Variants in ESRRG observed in about 807,000 individuals in gnomAD.
The protein encoded by ESRRG is estrogen related receptor gamma, also known as estrogen-related receptor gamma.
ESRRG carries 13 observed loss-of-function variants against 44.0 expected under a neutral mutation model. The observed-to-expected ratio is 0.30, with a 90% CI of 0.19 to 0.47. The LOEUF (loss-of-function observed/expected upper bound fraction) is 0.47. Ranked by LOEUF, ESRRG falls within the 20% of genes least tolerant of loss-of-function variation. The pLI is 1.00. For synonymous variants in ESRRG, 215 were observed against 214.6 expected, an observed-to-expected ratio of 1.00 and a Z score of -0.02; for missense variants, 395 against 580.6, an observed-to-expected ratio of 0.68 and a Z score of 3.29.
rs377119950 is a variant in ESRRG at position 217,098,567 on chromosome 1, C to T, written c.-230+39100G>A. 4.6e-5 allele frequency among the ~76,000 whole-genome samples: 7 copies of T among 152,074 alleles called. No homozygotes were observed. In the East Asian group the frequency reaches 1.2e-3, roughly 25 times the overall value. On this transcript the variant is annotated intron_variant, in intron 1 of 8. Coordinates refer to the ESRRG transcript ENST00000366940. The stretch of plus-strand genomic sequence containing the variant: ...GATGATGGGCAAGTAGGAGTGTATC[C>T]ACATTTGAAGGTTGCTACAGAGAAA...
chr1:216,777,047 C>T (rs1469686785), intron 2 of ESRRG, among the ~76,000 whole-genome samples: 1 of 152,122 alleles, frequency 6.6e-6, no homozygotes, highest in Non-Finnish European at 1.5e-5. Flanking sequence ...TGGATTTATC[C>T]TACTCTCTTC....
At chr1:216,768,039 A>G (rs1193584465) in intron 2 of ESRRG, among the ~76,000 whole-genome samples, 3 of 152,140 alleles carry the variant, frequency 2.0e-5, no homozygotes, top group Non-Finnish European at 2.9e-5. Flanking sequence ...ATTATGTGCT[A>G]GGCATTGAAC....
chr1:217,081,082 T>C (rs1321279992), intron 1 of ESRRG, among the ~76,000 whole-genome samples: 2 of 152,162 alleles, frequency 1.3e-5, no homozygotes, highest in African/African-American at 4.8e-5. Flanking sequence ...TTGCTTTTTA[T>C]ACATATATAA....
intron 2 of ESRRG, among the ~76,000 whole-genome samples, chr1:216,755,353 C>A (rs1438005326): frequency 6.6e-6 from 1 of 151,662 alleles, no homozygotes; most frequent in Non-Finnish European, 1.5e-5. Flanking sequence ...CCACCTAGAC[C>A]AGGACTCTAG....
chr1:217,058,383 T>C (rs1415125730), intron 1 of ESRRG, among the ~76,000 whole-genome samples: 3 of 152,178 alleles, frequency 2.0e-5, no homozygotes, highest in African/African-American at 7.2e-5. Context: ...AGAATATTGT[T>C]TCCATAAGTC....
At chr1:216,674,567 T>C (rs537610171) in intron 2 of ESRRG, among the ~76,000 whole-genome samples, 1 of 152,050 alleles carries the variant, frequency 6.6e-6, no homozygotes, top group Non-Finnish European at 1.5e-5. Context: ...AAGTATCTCA[T>C]CTACTATGTA....
chr1:216,586,579 G>A (rs954771578), intron 3 of ESRRG, among the ~76,000 whole-genome samples: 1 of 147,698 alleles, frequency 6.8e-6, no homozygotes, highest in Non-Finnish European at 1.5e-5. Flanking sequence ...GTAACTTTTG[G>A]GCTTTTTTTT....
chr1:216,573,397 T>A (rs773280069), intron 3 of ESRRG, among the ~76,000 whole-genome samples: 5 of 151,964 alleles, frequency 3.3e-5, no homozygotes, highest in Non-Finnish European at 7.4e-5. Flanking sequence ...AAGATGGATG[T>A]AAAGAGTATA....
chr1:216,891,706 C>A lies in ESRRG; in HGVS notation c.-14+47876G>T, dbSNP rs147939425. ...GTCTCTTAGAATTTATTCATGGAGA[C>A]CTTTTTTAGGGGGCAGAGGAAATAA... On this transcript the variant is annotated intron_variant, in intron 2 of 7. Coordinates refer to the ESRRG transcript ENST00000359162. Among the ~76,000 whole-genome samples, 925 of 151,686 alleles carry A rather than the reference C, an allele frequency of 6.1e-3. 10 individuals are homozygous for A. Among genetic ancestry groups the A allele is most frequent in the African/African-American group, 0.021 (863 of 41,300 alleles).
chr1:216,760,788 T>C (rs911126292), intron 2 of ESRRG, among the ~76,000 whole-genome samples: 7 of 152,104 alleles, frequency 4.6e-5, no homozygotes, highest in African/African-American at 1.7e-4. Flanking sequence ...AATATGTACT[T>C]AGAATTCAAT....
chr1:216,812,408 A>C (rs1387142621), intron 2 of ESRRG, among the ~76,000 whole-genome samples: 2 of 152,202 alleles, frequency 1.3e-5, no homozygotes, highest in African/African-American at 4.8e-5. Context: ...TTTTCTATTT[A>C]CTTATTTCGG....
intron 2 of ESRRG, among the ~76,000 whole-genome samples, chr1:216,918,314 G>A (rs1029981124): frequency 3.9e-5 from 6 of 152,042 alleles, no homozygotes; most frequent in South Asian, 4.2e-4. Flanking sequence ...TACACAGAGA[G>A]TTTGGAAAAG....
intron 1 of ESRRG, among the ~76,000 whole-genome samples, chr1:217,126,222 T>C (rs1015656777): frequency 6.6e-6 from 1 of 151,864 alleles, no homozygotes. Context: ...GCTACCTACC[T>C]AGCTACCTAC....
intron 1 of ESRRG, among the ~76,000 whole-genome samples, chr1:217,072,313 T>G (rs772345428): frequency 6.6e-6 from 1 of 152,222 alleles, no homozygotes. Flanking sequence ...CTGTATGTGT[T>G]ACAGCAGAAG....
chr1:216,857,532 T>A (rs1423105335), intron 2 of ESRRG, among the ~76,000 whole-genome samples: 1 of 151,952 alleles, frequency 6.6e-6, no homozygotes, highest in Non-Finnish European at 1.5e-5. Context: ...CCACATACTA[T>A]CATATTTAAA....
At chr1:216,668,931 G>C (rs1156991861) in intron 2 of ESRRG, among the ~76,000 whole-genome samples, 1 of 152,158 alleles carries the variant, frequency 6.6e-6, no homozygotes, top group Non-Finnish European at 1.5e-5. Flanking sequence ...AAACTGCCTA[G>C]GAAATCCTTT....
rs566054674 is a variant in ESRRG, at chr1:217,077,455, C to A, written c.-106+12052G>T. Among the ~76,000 whole-genome samples, 3 of 152,088 alleles carry A rather than the reference C, an allele frequency of 2.0e-5. No homozygotes were observed. In the East Asian group the frequency reaches 5.8e-4, roughly 29 times the overall value. On this transcript the variant is annotated intron_variant, in intron 1 of 7. Coordinates refer to the ESRRG transcript ENST00000359162. ...TCTGACAGCCATTCACATTGTGCAC[C>A]TAAAAAGCTTTCAAGGGTAATACGA...
intron 2 of ESRRG, among the ~76,000 whole-genome samples, chr1:216,860,665 CA>C (rs1332524849): frequency 6.6e-6 from 1 of 151,966 alleles, no homozygotes; most frequent in African/African-American, 2.4e-5. Context: ...AACAAAACAA[CA>C]AAATATATTT....
chr1:216,519,181 G>A lies in ESRRG; in HGVS notation c.1103C>T (p.Thr368Ile). The change falls in exon 6 of 7, where the codon ACC becomes ATC. Residue 368 changes from threonine (T) to isoleucine (I), a missense_variant. By Grantham distance (89) the Thr-to-Ile change is moderately conservative. Around this residue, in one of 5 missense-constraint regions of ESRRG, gnomAD observed 167 missense variants for 251.8 expected, o/e 0.66. Transcript: ENST00000408911. The part of the protein sequence containing the change: ...SMKLEKEEFV[T>I]LKAIALANSD... ...ATTAGCAAGAGCTATAGCTTTGAGG[G>A]TGACAAATTCTTCTTTTTCCAGCTT... 1.9e-6 allele frequency: 3 copies of A among 1,613,684 alleles called. No individual in the cohort carries two copies. Among genetic ancestry groups the A allele is most frequent in the East Asian group, 2.2e-5 (1 of 44,866 alleles).
Sources: gnomAD v4.1 joint callset for allele counts (sites outside exome capture counted in the v4.1 genomes callset) on GRCh38, gnomAD v4.1.1 for gene constraint, gnomAD v4.1.1 regional missense constraint, MANE v1.5 for transcripts, NCBI Gene and HGNC (gene_info 2026-07-23, HGNC 2026-07-21) for gene names.